The following ZC3H12B variants were observed in gnomAD, a reference collection of about 807,000 sequenced individuals.
ZC3H12B encodes the protein zinc finger CCCH-type containing 12B, also known as probable ribonuclease ZC3H12B.
ZC3H12B carries 7 observed loss-of-function variants against 43.9 expected under a neutral mutation model. The ratio of observed to expected loss-of-function variants is 0.16; its 90% CI spans 0.09 to 0.30. The LOEUF is 0.30. Ranked by LOEUF, ZC3H12B falls within the 10% of genes least tolerant of loss-of-function variation. The pLI, the probability that ZC3H12B is intolerant of heterozygous loss-of-function variation, is 1.00. For missense variants in ZC3H12B, 475 were observed against 670.2 expected (o/e 0.71, Z 3.22); for synonymous variants, 222 against 241.7 (o/e 0.92, Z 0.76).
At chrX:65,152,238 T>C in the ZC3H12B span, among the ~76,000 whole-genome samples, 60 of 111,365 alleles carry the variant, frequency 5.4e-4, no homozygotes, top group African/African-American at 1.7e-3. Flanking sequence ...CCAGGGCAAT[T>C]AGGCAGGAGA....
intron 2 of ZC3H12B, among the ~76,000 whole-genome samples, chrX:65,386,049 G>A (rs1330590177): frequency 1.8e-5 from 2 of 112,349 alleles, no homozygotes; most frequent in East Asian, 5.5e-4. Context: ...CGGTTTACCA[G>A]TATTTTATTG....
At chrX:65,134,875 A>T in the ZC3H12B span, among the ~76,000 whole-genome samples, 1 of 111,248 alleles carries the variant, frequency 9.0e-6, no homozygotes, top group Non-Finnish European at 1.9e-5. Flanking sequence ...GGAAAATTAC[A>T]GTCAAAGGGG....
chrX:65,408,051 C>T (rs1164454851), intron 3 of ZC3H12B: 43 of 1,162,901 alleles, frequency 3.7e-5, no homozygotes, highest in Non-Finnish European at 4.8e-5. Context: ...ATTGAGTTGC[C>T]GGGGAACAGA....
chrX:65,084,892 A>G, the ZC3H12B span, among the ~76,000 whole-genome samples: 11 of 112,835 alleles, frequency 9.7e-5, no homozygotes, highest in Non-Finnish European at 1.7e-4. Context: ...TAAAGAAAAC[A>G]TGGTACTTAG....
At chrX:65,458,090 A>ATT in intron 3 of ZC3H12B, among the ~76,000 whole-genome samples, 1 of 88,755 alleles carries the variant, frequency 1.1e-5, no homozygotes, top group African/African-American at 6.7e-5. Flanking sequence ...AAAATTAAAA[A>ATT]AAAAAAAAAA....
At chrX:65,182,262 G>A in the ZC3H12B span, among the ~76,000 whole-genome samples, 4 of 110,691 alleles carry the variant, frequency 3.6e-5, no homozygotes, top group Admixed American at 2.9e-4. Context: ...GGAGGTGGGG[G>A]CAAGGGGAGG....
chrX:65,423,703 G>GT (rs2067047022), intron 3 of ZC3H12B, among the ~76,000 whole-genome samples: 1 of 111,812 alleles, frequency 8.9e-6, no homozygotes, highest in African/African-American at 3.3e-5. Context: ...TGATGGGGTT[G>GT]TTTTTTTCTT....
the ZC3H12B span, among the ~76,000 whole-genome samples, chrX:65,191,666 T>G: frequency 8.4e-5 from 9 of 107,145 alleles, no homozygotes; most frequent in African/African-American, 1.8e-4. Context: ...AATTTTTTTT[T>G]TGTGTCTATT....
intron 2 of ZC3H12B, among the ~76,000 whole-genome samples, chrX:65,373,588 G>A (rs1464821990): frequency 9.3e-6 from 1 of 107,949 alleles, no homozygotes; most frequent in African/African-American, 3.4e-5. Flanking sequence ...CATGTCCTTT[G>A]TAGGGACATG....
the ZC3H12B span, among the ~76,000 whole-genome samples, chrX:65,111,279 A>G: frequency 9.0e-6 from 1 of 111,608 alleles, no homozygotes; most frequent in Admixed American, 9.5e-5. Flanking sequence ...TAGGAGTAGT[A>G]AGAGCATACA....
At chrX:65,455,806 GA>G (rs2067600052) in intron 3 of ZC3H12B, among the ~76,000 whole-genome samples, 1 of 112,152 alleles carries the variant, frequency 8.9e-6, no homozygotes, top group Admixed American at 9.5e-5. Context: ...AGCCAGAAGA[GA>G]GTGGGGGCCA....
the ZC3H12B span, among the ~76,000 whole-genome samples, chrX:65,116,229 G>A: frequency 4.5e-5 from 5 of 111,445 alleles, no homozygotes; most frequent in Non-Finnish European, 7.6e-5. Flanking sequence ...TTTTGTATAA[G>A]GTAAGAGATG....
At chrX:65,267,927 C>G in the ZC3H12B span, among the ~76,000 whole-genome samples, 1 of 111,149 alleles carries the variant, frequency 9.0e-6, no homozygotes, top group East Asian at 2.8e-4. Flanking sequence ...AAGATCAGAA[C>G]AGAGCAAAAA....
chrX:65,374,688 G>A (rs1454636049), intron 2 of ZC3H12B, among the ~76,000 whole-genome samples: 4 of 110,880 alleles, frequency 3.6e-5, no homozygotes, highest in African/African-American at 9.8e-5. Context: ...CCCGATACTG[G>A]GTAATTTAGA....
chrX:65,278,300 G>C, the ZC3H12B span, among the ~76,000 whole-genome samples: 2 of 111,163 alleles, frequency 1.8e-5, no homozygotes, highest in Non-Finnish European at 3.8e-5. Context: ...CCTGTGCCAC[G>C]ACAGTTTACA....
chrX:65,169,043 C>G, the ZC3H12B span, among the ~76,000 whole-genome samples: 17 of 111,285 alleles, frequency 1.5e-4, no homozygotes, highest in African/African-American at 5.6e-4. Flanking sequence ...TTCAGTTCTG[C>G]TCTGATCTTA....
intron 1 of ZC3H12B, among the ~76,000 whole-genome samples, chrX:65,496,393 C>CT (rs2068282662): frequency 8.9e-6 from 1 of 111,762 alleles, no homozygotes; most frequent in Non-Finnish European, 1.9e-5. Context: ...TCTATATAAA[C>CT]TTTAAACCTC....
the ZC3H12B span, among the ~76,000 whole-genome samples, chrX:65,338,948 C>T: frequency 6.8e-3 from 760 of 112,143 alleles, 9 homozygotes; most frequent in African/African-American, 0.023. Flanking sequence ...TTCATAAGAA[C>T]TGGAACAAGA....
chrX:65,177,897 CT>C, the ZC3H12B span, among the ~76,000 whole-genome samples: 1 of 111,798 alleles, frequency 8.9e-6, no homozygotes, highest in East Asian at 2.9e-4. Flanking sequence ...CAACCATTGA[CT>C]TTCTTCACAG....
Sources: allele counts gnomAD v4.1 joint callset (sites outside exome capture counted in the v4.1 genomes callset), GRCh38; gene constraint gnomAD v4.1.1; transcripts MANE v1.5; gene names NCBI Gene and HGNC (gene_info 2026-07-23, HGNC 2026-07-21).